Variants in TRA2B observed in about 807,000 individuals in gnomAD.
TRA2B encodes transformer-2 protein homolog beta.
In TRA2B, 14 loss-of-function variants were observed where a neutral mutation model predicts 41.7. That is an observed-to-expected ratio of 0.34 (90% confidence interval 0.22 to 0.53). The LOEUF (loss-of-function observed/expected upper bound fraction) is 0.53. Ranked by LOEUF, TRA2B falls within the 20% of genes least tolerant of loss-of-function variation. The pLI, the probability that TRA2B is intolerant of heterozygous loss-of-function variation, is 0.95. For synonymous variants in TRA2B, 130 were observed against 128.8 expected, an observed-to-expected ratio of 1.01 and a Z score of -0.06; for missense variants, 167 against 396.8, an observed-to-expected ratio of 0.42 and a Z score of 4.92.
chr3:185,936,598 A>G, intron 1 of TRA2B: 1 of 985,264 alleles, frequency 1.0e-6, no homozygotes, highest in Non-Finnish European at 1.2e-6. Flanking sequence ...AAGACATTTA[A>G]TAGTCTTATT....
chr3:185,917,871 TGTAA>T (rs1743561265), intron 8 of TRA2B, 146 bp from the exon 9 acceptor site: 1 of 731,198 alleles, frequency 1.4e-6, no homozygotes, highest in South Asian at 1.8e-5. Context: ...AAGACTTCCA[TGTAA>T]GTATTACACC....
intron 1 of TRA2B, chr3:185,936,572 TAATC>T (rs961305084): frequency 1.4e-5 from 14 of 985,250 alleles, no homozygotes; most frequent in Non-Finnish European, 3.6e-6. Flanking sequence ...TATAAAATCT[TAATC>T]AAAAGTTTGC....
chr3:185,937,387 CTGCGGGTCGG>C (rs1744405441), intron 1 of TRA2B: 1 of 1,002,270 alleles, frequency 1.0e-6, no homozygotes, highest in East Asian at 1.1e-4. Flanking sequence ...GCGCGGCCCG[CTGCGGGTCGG>C]GTCCGCGTTG....
intron 4 of TRA2B, chr3:185,923,569 T>C (rs907459266): frequency 8.1e-6 from 3 of 371,290 alleles, no homozygotes; most frequent in East Asian, 8.8e-5. Context: ...AATTGGGGTA[T>C]AGTTGACCCC....
In TRA2B at chr3:185,921,107, T is replaced by C; in HGVS notation, c.719A>G (p.Tyr240Cys). Reference protein sequence around the residue: ...YDDRDYYSRSYRGGGGGGGGW... With the variant: ...YDDRDYYSRSCRGGGGGGGGW... ...ACCTTTCTACCTCATAACTTACCTG[T>C]ATGATCTGCTATAGTAGTCCCGATC... is the stretch of plus-strand genomic sequence containing the variant. The change falls in exon 6 of 9, where the codon TAC (tyrosine) becomes TGC (cysteine). Residue 240 changes from tyrosine to cysteine, a missense_variant. Transcript: ENST00000453386. 6.2e-7 allele frequency: 1 copy of C among 1,613,844 alleles called. No individual in the cohort carries two copies. The highest frequency in any genetic ancestry group is 8.5e-7 in the Non-Finnish European group (1 of 1,179,784).
At chr3:185,932,379 AG>A (rs1193711156) in intron 1 of TRA2B, among the ~76,000 whole-genome samples, 2 of 152,194 alleles carry the variant, frequency 1.3e-5, no homozygotes, top group Admixed American at 6.5e-5. Context: ...AGAGCTCTGC[AG>A]AAAGACGGTG....
chr3:185,926,514 T>G, intron 2 of TRA2B, 87 bp downstream of exon 2: 1 of 1,544,430 alleles, frequency 6.5e-7, no homozygotes, highest in Non-Finnish European at 8.9e-7. Context: ...ACAAATAATC[T>G]AACCCTCTCT....
At chr3:185,937,348 C>T (rs561775772) in intron 1 of TRA2B, 4 of 994,926 alleles carry the variant, frequency 4.0e-6, no homozygotes, top group Non-Finnish European at 3.6e-6. Context: ...TCGTCTGTCC[C>T]CTTGCACCCC....
At position 185,919,857 on chromosome 3, in the gene TRA2B, TCA is replaced by T. The variant is rs570903751; in HGVS notation, c.723-363_723-362del. Among the ~76,000 whole-genome samples, 304 of 152,348 alleles carry T rather than the reference TCA, an allele frequency of 2.0e-3. 1 individual carries two copies. Among genetic ancestry groups the T allele is most frequent in the African/African-American group, 7.0e-3 (290 of 41,590 alleles). ...GAACAATACACTTACAGACTCACTT[TCA>T]GACAATGACTGACAACTGTTAACTT... On this transcript the variant is annotated intron_variant, in intron 6 of 8. Coordinates refer to ENST00000453386, the MANE Select transcript of TRA2B (RefSeq NM_004593.3).
intron 7 of TRA2B, among the ~76,000 whole-genome samples, chr3:185,919,125 GCTTA>G (rs1022059448): frequency 6.6e-6 from 1 of 152,144 alleles, no homozygotes; most frequent in Non-Finnish European, 1.5e-5. Flanking sequence ...TATTTGAGAT[GCTTA>G]CTTTTAAAAA....
chr3:185,924,124 C>A (rs1743845818), intron 3 of TRA2B, 140 bp from the exon 4 acceptor site: 2 of 632,518 alleles, frequency 3.2e-6, no homozygotes, highest in Non-Finnish European at 4.8e-6. Flanking sequence ...TTAGAAATTA[C>A]AAAATTACAG....
chr3:185,936,119 A>G lies in TRA2B; in HGVS notation c.36+1706T>C, dbSNP rs1378586359. On this transcript the variant is annotated intron_variant, in intron 1 of 8. Transcript: ENST00000453386. ...AATTTTCCATTCTCAAGCATTCTTC[A>G]CGTGTATTCAATCGAGAGCTCTAGT... is the stretch of plus-strand genomic sequence containing the variant. 5.1e-6 allele frequency: 5 copies of G among 985,318 alleles called. No homozygotes were observed. The African/African-American group carries it at 7.0e-5, about 14-fold the overall frequency. The allele number at this position is 985,318 out of a possible 1,614,324, so 61.0% of individuals were successfully genotyped here.
chr3:185,914,564 T>C lies in TRA2B; in HGVS notation c.*3151A>G, dbSNP rs921678420. Among the ~76,000 whole-genome samples the C allele has an allele frequency of 6.6e-6, 1 of 152,180 alleles. No homozygotes were observed. The highest frequency in any genetic ancestry group is 1.5e-5 in the Non-Finnish European group (1 of 68,046). On this transcript the variant is annotated 3_prime_UTR_variant, in exon 9 of 9. Coordinates refer to ENST00000453386, the MANE Select transcript of TRA2B (RefSeq NM_004593.3). ...GAATAGAACCAATCCAGTATTCTTG[T>C]CACTTTTAAGTCTTTACATTATATA...
chr3:185,920,972 A>T, intron 6 of TRA2B, 132 bp downstream of exon 6: 1 of 586,538 alleles, frequency 1.7e-6, no homozygotes, highest in South Asian at 3.5e-5. Context: ...AATCTGATTT[A>T]ACTTTCTACT....
intron 1 of TRA2B, chr3:185,927,584 A>T (rs1185539774): frequency 6.6e-6 from 1 of 152,078 alleles, no homozygotes; most frequent in Non-Finnish European, 1.5e-5. Context: ...CAGGAAGCAA[A>T]AGAGTACAGA....
At chr3:185,931,636 T>C in intron 1 of TRA2B, 1 of 1,292,252 alleles carries the variant, frequency 7.7e-7, no homozygotes. Flanking sequence ...TTTATTTCTT[T>C]TCTTCATTCT....
chr3:185,931,232 A>G (rs887022177), intron 1 of TRA2B, among the ~76,000 whole-genome samples: 4 of 152,168 alleles, frequency 2.6e-5, no homozygotes, highest in African/African-American at 4.8e-5. Context: ...GTGCAATCTA[A>G]GAGTCCAGGG....
chr3:185,917,780 T>C, intron 8 of TRA2B, 55 bp from the exon 9 acceptor site: 2 of 1,566,018 alleles, frequency 1.3e-6, no homozygotes, highest in Non-Finnish European at 1.8e-6. Flanking sequence ...TTATCAAGTA[T>C]ACTTTAATGC....
At chr3:185,919,111 G>A (rs1743615082) in intron 7 of TRA2B, among the ~76,000 whole-genome samples, 1 of 152,134 alleles carries the variant, frequency 6.6e-6, no homozygotes, top group Admixed American at 6.5e-5. Context: ...GAATGTTCTT[G>A]TGCTATTTGA....
Sources: gnomAD v4.1 joint callset for allele counts (sites outside exome capture counted in the v4.1 genomes callset) on GRCh38, gnomAD v4.1.1 for gene constraint, MANE v1.5 for transcripts, NCBI Gene and HGNC (gene_info 2026-07-23, HGNC 2026-07-21) for gene names.